The following ALK variants were observed in gnomAD, a reference collection of about 807,000 sequenced individuals.
ALK encodes the protein ALK receptor tyrosine kinase, also known as ALK tyrosine kinase receptor.
ALK carries 74 observed loss-of-function variants against 163.1 expected under a neutral mutation model. The ratio of observed to expected loss-of-function variants is 0.45; its 90% CI spans 0.38 to 0.55. ALK has a LOEUF of 0.55. ALK is among the 20% of genes least tolerant of loss of function. The pLI is 0.00. For synonymous variants in ALK, 960 were observed against 843.2 expected (o/e 1.14, Z -2.40); for missense variants, 2,063 against 2,105.3 (o/e 0.98, Z 0.39).
At chr2:29,446,368 C>T (rs1670684470) in intron 4 of ALK, among the ~76,000 whole-genome samples, 1 of 152,064 alleles carries the variant, frequency 6.6e-6, no homozygotes, top group African/African-American at 2.4e-5. Flanking sequence ...CCCCTCCGAT[C>T]CCCTTGTAGA....
intron 4 of ALK, among the ~76,000 whole-genome samples, chr2:29,527,551 A>G (rs971217083): frequency 2.0e-5 from 3 of 152,128 alleles, no homozygotes; most frequent in African/African-American, 4.8e-5. Context: ...TCTGTCACCC[A>G]GGCTGGAGTG....
intron 26 of ALK, among the ~76,000 whole-genome samples, chr2:29,206,726 CATT>C (rs542825459): frequency 9.2e-4 from 140 of 152,072 alleles, no homozygotes; most frequent in Non-Finnish European, 1.1e-3. Flanking sequence ...AAAATTTTGT[CATT>C]GTTGTGTTCT....
chr2:29,497,726 T>C (rs7584818), intron 4 of ALK, among the ~76,000 whole-genome samples: 41,061 of 152,088 alleles, frequency 0.27, 5,701 homozygotes, highest in East Asian at 0.36. Context: ...TCTGCTCACA[T>C]GGGAACTCAA....
At chr2:29,740,456 A>T (rs543448365) in intron 1 of ALK, among the ~76,000 whole-genome samples, 1 of 151,240 alleles carries the variant, frequency 6.6e-6, no homozygotes, top group Admixed American at 6.5e-5. Context: ...ACAGACAGAC[A>T]GAAAAACATG....
At position 29,363,297 on chromosome 2, in the gene ALK, T is replaced by C. The variant is rs190544455; in HGVS notation, c.1282+20435A>G. Reference sequence around the variant, plus strand: ...CACAGAACCCACTTTGGCTTCCTTCTTCCTAGGGGCCTTCACCGATGACAG... The same window carrying C: ...CACAGAACCCACTTTGGCTTCCTTCCTCCTAGGGGCCTTCACCGATGACAG... On this transcript the variant is annotated intron_variant, in intron 5 of 28. Transcript: ENST00000389048. Among the ~76,000 whole-genome samples, 219 of 152,352 alleles carry C rather than the reference T, an allele frequency of 1.4e-3. 1 individual carries two copies. The highest frequency in any genetic ancestry group is 5.0e-3 in the African/African-American group (206 of 41,588).
At chr2:29,267,177 C>T (rs569619511) in intron 11 of ALK, among the ~76,000 whole-genome samples, 1 of 152,150 alleles carries the variant, frequency 6.6e-6, no homozygotes, top group Admixed American at 6.5e-5. Flanking sequence ...AGGTTGGCCT[C>T]CAGCCAGTTA....
chr2:29,737,418 T>C (rs1317441374), intron 1 of ALK, among the ~76,000 whole-genome samples: 1 of 152,074 alleles, frequency 6.6e-6, no homozygotes, highest in Non-Finnish European at 1.5e-5. Flanking sequence ...TGATTTTACA[T>C]TTCATATATA....
rs189553212 is a variant in ALK, at chr2:29,634,153, C to T, written c.952+60697G>A. ...TCGCTCTGTCACCCAGGCTGGAGTG[C>T]AGTGGTGCAATCTCAGCTCACTGCA... On this transcript the variant is annotated intron_variant, in intron 3 of 28. Transcript: ENST00000389048. Among the ~76,000 whole-genome samples the T allele has an allele frequency of 3.7e-3, 555 of 151,516 alleles. 3 individuals are homozygous for T. Among genetic ancestry groups the T allele is most frequent in the African/African-American group, 0.013 (525 of 41,298 alleles).
intron 4 of ALK, among the ~76,000 whole-genome samples, chr2:29,503,548 T>C (rs1281900855): frequency 6.6e-6 from 1 of 152,184 alleles, no homozygotes; most frequent in African/African-American, 2.4e-5. Context: ...CACCGTACCA[T>C]GGCACATAGA....
At chr2:29,250,276 A>G (rs978670024) in intron 12 of ALK, among the ~76,000 whole-genome samples, 2 of 151,898 alleles carry the variant, frequency 1.3e-5, no homozygotes, top group African/African-American at 4.8e-5. Context: ...GAGGCTCCTG[A>G]CTCTCTGAGC....
chr2:29,511,281 T>C (rs1260393923), intron 4 of ALK, among the ~76,000 whole-genome samples: 1 of 152,124 alleles, frequency 6.6e-6, no homozygotes, highest in Non-Finnish European at 1.5e-5. Context: ...TCTTGTCCCT[T>C]TGCAGTCAAT....
At chr2:29,314,732 G>A (rs577283544) in intron 8 of ALK, among the ~76,000 whole-genome samples, 4 of 152,290 alleles carry the variant, frequency 2.6e-5, no homozygotes, top group South Asian at 2.1e-4. Context: ...GCCTGAGAAC[G>A]TGGTTTAAAT....
intron 6 of ALK, 51 bp downstream of exon 6, chr2:29,328,299 T>G (rs1481563656): frequency 1.2e-6 from 2 of 1,613,256 alleles, no homozygotes; most frequent in Non-Finnish European, 1.7e-6. Context: ...GACAACGGGG[T>G]TATGAGCATG....
chr2:29,630,741 A>G (rs1016651836), intron 3 of ALK, among the ~76,000 whole-genome samples: 12 of 152,104 alleles, frequency 7.9e-5, no homozygotes, highest in Non-Finnish European at 1.8e-4. Flanking sequence ...CCCAGGCTAT[A>G]TTTTGAAATT....
intron 1 of ALK, among the ~76,000 whole-genome samples, chr2:29,738,219 C>G (rs1368450767): frequency 6.6e-6 from 1 of 151,884 alleles, no homozygotes. Context: ...TACACAAAAC[C>G]GAGCATCACG....
chr2:29,225,443 G>C lies in ALK; in HGVS notation c.3172+18C>G, dbSNP rs1455602529. 1 of 1,602,990 alleles carries C rather than the reference G, an allele frequency of 6.2e-7. No homozygotes were observed. The highest frequency in any genetic ancestry group is 1.7e-5 in the Admixed American group (1 of 59,622). ...CCTTCCTGCCCCCTTGGGAGTCCCT[G>C]GGGCTCTGTGCACTCACCAATCATG... On this transcript the variant is annotated intron_variant, in intron 19 of 28. Transcript: ENST00000389048.
intron 3 of ALK, among the ~76,000 whole-genome samples, chr2:29,546,217 G>GT (rs955484224): frequency 7.9e-5 from 12 of 152,076 alleles, no homozygotes; most frequent in African/African-American, 2.9e-4. Flanking sequence ...CACAAAGGTG[G>GT]TTTTTTTCTT....
chr2:29,755,156 A>T (rs369742783), intron 1 of ALK, among the ~76,000 whole-genome samples: 5 of 152,206 alleles, frequency 3.3e-5, no homozygotes, highest in South Asian at 2.1e-4. Flanking sequence ...TTCCTACAAT[A>T]AGGCGATTTC....
At chr2:29,296,754 C>A (rs181301566) in intron 9 of ALK, 134 bp downstream of exon 9, 5 of 1,005,628 alleles carry the variant, frequency 5.0e-6, no homozygotes, top group Non-Finnish European at 7.7e-6. Flanking sequence ...CGTGCGTGCA[C>A]GCGCACATAT....
Sources: gnomAD v4.1 joint callset for allele counts (sites outside exome capture counted in the v4.1 genomes callset) on GRCh38, gnomAD v4.1.1 for gene constraint, MANE v1.5 for transcripts, NCBI Gene and HGNC (gene_info 2026-07-23, HGNC 2026-07-21) for gene names.